HPSE2: variants seen among roughly 807,000 people sequenced by gnomAD.
HPSE2 encodes the protein heparanase 2 (inactive), also known as inactive heparanase-2.
Under a neutral mutation model 60.5 loss-of-function variants are expected in HPSE2, and 38 were observed. The observed-to-expected ratio is 0.63, with a 90% CI of 0.48 to 0.82. The LOEUF is 0.82. Among genes scored for constraint, HPSE2 ranks in the 40% least tolerant of loss-of-function variants. The pLI, the probability that HPSE2 is intolerant of heterozygous loss-of-function variation, is 0.00. For synonymous variants in HPSE2, 295 were observed against 293.2 expected, an observed-to-expected ratio of 1.01 and a Z score of -0.06; for missense variants, 713 against 740.4, an observed-to-expected ratio of 0.96 and a Z score of 0.43.
chr10:98,792,432 CGG>C (rs1950675663), intron 3 of HPSE2, among the ~76,000 whole-genome samples: 1 of 152,040 alleles, frequency 6.6e-6, no homozygotes, highest in Non-Finnish European at 1.5e-5. Flanking sequence ...ACTAGTTCAC[CGG>C]TAACTCCACA....
chr10:98,512,812 AACACACAC>A (rs71007394), intron 9 of HPSE2, among the ~76,000 whole-genome samples: 2 of 124,546 alleles, frequency 1.6e-5, no homozygotes, highest in Non-Finnish European at 3.4e-5. Flanking sequence ...CCCACCCCCC[AACACACAC>A]ACACACACAC....
At chr10:98,702,223 C>G (rs1386311133) in intron 5 of HPSE2, among the ~76,000 whole-genome samples, 2 of 152,108 alleles carry the variant, frequency 1.3e-5, no homozygotes, top group Non-Finnish European at 2.9e-5. Flanking sequence ...AAGGGCATTA[C>G]ATAATGTTAA....
intron 2 of HPSE2, among the ~76,000 whole-genome samples, chr10:99,189,197 T>C (rs1848134907): frequency 6.6e-6 from 1 of 152,248 alleles, no homozygotes; most frequent in Non-Finnish European, 1.5e-5. Context: ...AGACCACAGA[T>C]CTTCCTGCAG....
intron 3 of HPSE2, among the ~76,000 whole-genome samples, chr10:99,098,645 T>C (rs762148497): frequency 7.6e-4 from 116 of 152,206 alleles, no homozygotes; most frequent in Non-Finnish European, 1.5e-3. Flanking sequence ...CGTTGGTTCT[T>C]AAAAATCTCT....
the HPSE2 span, among the ~76,000 whole-genome samples, chr10:99,305,979 G>GCGCGCACACACACACACA: frequency 5.4e-3 from 436 of 80,500 alleles, 3 homozygotes; most frequent in Middle Eastern, 0.014. Flanking sequence ...GCGCGCGCGC[G>GCGCGCACACACACACACA]CACACACACA....
chr10:99,305,520 T>C, the HPSE2 span, among the ~76,000 whole-genome samples: 1 of 152,044 alleles, frequency 6.6e-6, no homozygotes, highest in Non-Finnish European at 1.5e-5. Context: ...AAAATAAGTG[T>C]TTAAAAGGAA....
rs189820672 is a variant in HPSE2, at chr10:98,808,830, A to G, written c.611-64774T>C. On this transcript the variant is annotated intron_variant, in intron 3 of 11. Coordinates refer to ENST00000370552, the MANE Select transcript of HPSE2 (RefSeq NM_021828.5). ...AAGGTGCCATAAAGTTCCAGTCTTGATAGTCTCCAATTAGTGTCCTAGCTA... is the reference window on the plus strand; with the variant it reads ...AAGGTGCCATAAAGTTCCAGTCTTGGTAGTCTCCAATTAGTGTCCTAGCTA... Among the ~76,000 whole-genome samples, 197 of 152,218 alleles carry G rather than the reference A, an allele frequency of 1.3e-3. 2 individuals carry two copies. Among genetic ancestry groups the G allele is most frequent in the Non-Finnish European group, 2.0e-3 (137 of 67,990 alleles).
intron 3 of HPSE2, among the ~76,000 whole-genome samples, chr10:98,905,211 C>A (rs1404386398): frequency 2.0e-5 from 3 of 151,414 alleles, no homozygotes; most frequent in Non-Finnish European, 4.4e-5. Flanking sequence ...GCACATTGTG[C>A]AGTTTAGTTA....
Position 98,851,119 on chromosome 10 carries a change from A to G in HPSE2, c.611-107063T>C, listed in dbSNP as rs150112247. Among the ~76,000 whole-genome samples the G allele has an allele frequency of 2.5e-3, 381 of 152,368 alleles. 3 individuals are homozygous for G. The highest frequency in any genetic ancestry group is 8.6e-3 in the African/African-American group (356 of 41,580). Reference sequence around the variant, plus strand: ...TAGTGATAGCATGGCTTAAACTGCTAACCATACATGTTGGGAAGAGATAAA... The same window carrying G: ...TAGTGATAGCATGGCTTAAACTGCTGACCATACATGTTGGGAAGAGATAAA... On this transcript the variant is annotated intron_variant, in intron 3 of 11. Coordinates refer to ENST00000370552, the MANE Select transcript of HPSE2 (RefSeq NM_021828.5).
intron 9 of HPSE2, among the ~76,000 whole-genome samples, chr10:98,518,818 C>T (rs1942690341): frequency 6.6e-6 from 1 of 151,984 alleles, no homozygotes; most frequent in Non-Finnish European, 1.5e-5. Flanking sequence ...GAGTAGTAGA[C>T]ACTGTGAAAT....
chr10:98,689,659 AT>A (rs140599899), intron 6 of HPSE2, among the ~76,000 whole-genome samples: 1 of 151,810 alleles, frequency 6.6e-6, no homozygotes, highest in African/African-American at 2.4e-5. Context: ...ATGTCTGGTA[AT>A]TTTTTTTATT....
intron 3 of HPSE2, among the ~76,000 whole-genome samples, chr10:99,021,838 C>A (rs938934712): frequency 1.3e-4 from 20 of 148,626 alleles, no homozygotes; most frequent in African/African-American, 4.2e-4. Context: ...AAAAAAAAAA[C>A]CCCAACACCT....
chr10:99,194,718 A>C (rs527708990), intron 2 of HPSE2, among the ~76,000 whole-genome samples: 1 of 152,194 alleles, frequency 6.6e-6, no homozygotes, highest in South Asian at 2.1e-4. Flanking sequence ...TGAACAGACC[A>C]ATAATAAGTA....
At chr10:99,014,529 A>G (rs946266360) in intron 3 of HPSE2, among the ~76,000 whole-genome samples, 2 of 152,194 alleles carry the variant, frequency 1.3e-5, no homozygotes, top group African/African-American at 4.8e-5. Flanking sequence ...AGGAATCGCC[A>G]CACTGTTTTT....
chr10:98,734,990 T>C (rs1223515179), intron 4 of HPSE2, among the ~76,000 whole-genome samples: 1 of 44,952 alleles, frequency 2.2e-5, no homozygotes, highest in Non-Finnish European at 5.4e-5. Context: ...TAAACTAATA[T>C]TGACACATCA....
At chr10:98,533,916 CAG>C (rs1408908662) in intron 9 of HPSE2, among the ~76,000 whole-genome samples, 1 of 152,132 alleles carries the variant, frequency 6.6e-6, no homozygotes, top group Non-Finnish European at 1.5e-5. Context: ...TGATGTGAAA[CAG>C]TTTCACTCAG....
chr10:98,523,680 C>G (rs1942870369), intron 9 of HPSE2, among the ~76,000 whole-genome samples: 1 of 152,148 alleles, frequency 6.6e-6, no homozygotes, highest in African/African-American at 2.4e-5. Flanking sequence ...GCTCTGATCA[C>G]CATTCCGCAG....
In HPSE2 at chr10:99,103,964, A is replaced by G. The variant is rs950951294; in HGVS notation, c.610+40274T>C. Among the ~76,000 whole-genome samples, 14 of 152,294 alleles carry G rather than the reference A, an allele frequency of 9.2e-5. No homozygotes were observed. In the East Asian group the frequency reaches 1.2e-3, roughly 13 times the overall value. The stretch of plus-strand genomic sequence containing the variant: ...AGCTGCAACTGGATCCCTTCCTTAC[A>G]CCTTATACAAAAATTAATTCAAGAT... On this transcript the variant is annotated intron_variant, in intron 3 of 11. Coordinates refer to ENST00000370552, the MANE Select transcript of HPSE2 (RefSeq NM_021828.5).
intron 3 of HPSE2, among the ~76,000 whole-genome samples, chr10:99,018,248 T>G (rs1327063764): frequency 6.6e-6 from 1 of 152,210 alleles, no homozygotes; most frequent in African/African-American, 2.4e-5. Context: ...CCACATGATC[T>G]TTGTGGTCTC....
Sources: gnomAD v4.1 joint callset for allele counts (sites outside exome capture counted in the v4.1 genomes callset) on GRCh38, gnomAD v4.1.1 for gene constraint, MANE v1.5 for transcripts, NCBI Gene and HGNC (gene_info 2026-07-23, HGNC 2026-07-21) for gene names.